Variants in ITGA9 observed in about 807,000 individuals in gnomAD.
The protein encoded by ITGA9 is integrin subunit alpha 9.
ITGA9 carries 56 observed loss-of-function variants against 127.8 expected under a neutral mutation model. That is an observed-to-expected ratio of 0.44 (90% CI 0.35 to 0.55). The LOEUF (loss-of-function observed/expected upper bound fraction) is 0.55. Among genes scored for constraint, ITGA9 ranks in the 20% least tolerant of loss-of-function variants. The pLI is 0.00. For synonymous variants in ITGA9, 508 were observed against 514.5 expected (o/e 0.99, Z 0.17); for missense variants, 1,196 against 1,347.1 (o/e 0.89, Z 1.76).
At chr3:37,461,219 G>A (rs1218671830) in intron 1 of ITGA9, among the ~76,000 whole-genome samples, 1 of 152,114 alleles carries the variant, frequency 6.6e-6, no homozygotes, top group African/African-American at 2.4e-5. Context: ...CACGATTTTT[G>A]TGCCATAAAA....
chr3:37,604,348 A>G (rs1699947810), intron 15 of ITGA9, among the ~76,000 whole-genome samples: 1 of 152,218 alleles, frequency 6.6e-6, no homozygotes, highest in Admixed American at 6.5e-5. Context: ...TCTACCCTTC[A>G]AAATACTTTG....
intron 18 of ITGA9, among the ~76,000 whole-genome samples, chr3:37,706,312 A>T (rs1167750941): frequency 6.6e-6 from 1 of 152,006 alleles, no homozygotes; most frequent in Non-Finnish European, 1.5e-5. Flanking sequence ...GGACTTTTTG[A>T]TTCTGCTTCT....
At chr3:37,476,341 C>T (rs1390217620) in intron 3 of ITGA9, among the ~76,000 whole-genome samples, 2 of 152,070 alleles carry the variant, frequency 1.3e-5, no homozygotes, top group African/African-American at 4.8e-5. Flanking sequence ...CACGTCCTTG[C>T]CAACATTTAT....
intron 15 of ITGA9, among the ~76,000 whole-genome samples, chr3:37,588,275 G>A (rs1409544828): frequency 6.6e-6 from 1 of 152,224 alleles, no homozygotes; most frequent in Admixed American, 6.5e-5. Context: ...GCCTCTCAGA[G>A]TTTAGTGTAG....
At position 37,821,679 on chromosome 3, in the gene ITGA9, G is replaced by A. The variant is rs1697516972; in HGVS notation, c.*2690G>A. 1 of 151,998 alleles carries A rather than the reference G, an allele frequency of 6.6e-6. No homozygotes were observed. Among genetic ancestry groups the A allele is most frequent in the Admixed American group, 6.6e-5 (1 of 15,248 alleles). 9.4% of individuals were successfully genotyped at this position (151,998 alleles called of 1,614,324 possible). On this transcript the variant is annotated 3_prime_UTR_variant, in exon 28 of 28. Transcript: ENST00000264741. ...TTCTGCCCACCAGCAAAGCCCCACT[G>A]GAGAAGGGTAGACTCCTGTGGGCAG... is the stretch of plus-strand genomic sequence containing the variant.
intron 4 of ITGA9, among the ~76,000 whole-genome samples, chr3:37,493,902 G>A (rs1040407383): frequency 1.3e-5 from 2 of 152,212 alleles, no homozygotes; most frequent in Non-Finnish European, 2.9e-5. Flanking sequence ...GTTGTGAGCT[G>A]AGGGGGTGGA....
intron 1 of ITGA9, among the ~76,000 whole-genome samples, chr3:37,469,954 C>T (rs999468224): frequency 6.6e-6 from 1 of 151,958 alleles, no homozygotes; most frequent in African/African-American, 2.4e-5. Flanking sequence ...TGCCACCATG[C>T]CCAGCTAATT....
chr3:37,811,659 C>T (rs767783750), intron 27 of ITGA9, among the ~76,000 whole-genome samples: 3 of 152,200 alleles, frequency 2.0e-5, no homozygotes, highest in Non-Finnish European at 4.4e-5. Flanking sequence ...GAGACCATAT[C>T]CTCCCTCACT....
chr3:37,818,994 C>G lies in ITGA9; in HGVS notation c.*5C>G, dbSNP rs747948246. 6.3e-7 allele frequency: 1 copy of G among 1,583,684 alleles called. No homozygotes were observed. Among genetic ancestry groups the G allele is most frequent in the South Asian group, 1.1e-5 (1 of 90,464 alleles). The stretch of plus-strand genomic sequence containing the variant: ...TGGGTCCAGAAAAACCAGTGAGCTG[C>G]CACACCAGTCACATGACCTGATCAC... On this transcript the variant is annotated 3_prime_UTR_variant, in exon 28 of 28. Transcript: ENST00000264741.
At chr3:37,515,026 CTT>C (rs1698969923) in intron 9 of ITGA9, among the ~76,000 whole-genome samples, 1 of 152,160 alleles carries the variant, frequency 6.6e-6, no homozygotes, top group South Asian at 2.1e-4. Flanking sequence ...AGAAAGCAGT[CTT>C]TTCAGGATCT....
intron 22 of ITGA9, among the ~76,000 whole-genome samples, chr3:37,746,206 C>A (rs1696498541): frequency 6.6e-6 from 1 of 152,108 alleles, no homozygotes; most frequent in African/African-American, 2.4e-5. Flanking sequence ...AATATTGTTC[C>A]TGAAGGAGAA....
At chr3:37,562,676 A>C (rs1311983965) in intron 15 of ITGA9, among the ~76,000 whole-genome samples, 1 of 152,140 alleles carries the variant, frequency 6.6e-6, no homozygotes, top group African/African-American at 2.4e-5. Flanking sequence ...CCATTTTGGC[A>C]GTTATATATT....
chr3:37,619,695 T>C (rs1186880987), intron 15 of ITGA9, among the ~76,000 whole-genome samples: 5 of 152,216 alleles, frequency 3.3e-5, no homozygotes, highest in Non-Finnish European at 4.4e-5. Context: ...ATGGCCTGCT[T>C]AGCGTTTCAC....
intron 24 of ITGA9, among the ~76,000 whole-genome samples, chr3:37,778,910 G>GGGTGATATT (rs1190911620): frequency 1.4e-4 from 21 of 147,682 alleles, no homozygotes; most frequent in African/African-American, 5.3e-4. Context: ...TACATAGTGA[G>GGGTGATATT]GGTGATATTG....
At position 37,632,827 on chromosome 3, in the gene ITGA9, G is replaced by A. The variant is rs539030539; in HGVS notation, c.1839+3491G>A. 1.9e-4 allele frequency among the ~76,000 whole-genome samples: 29 copies of A among 152,274 alleles called. No individual in the cohort carries two copies. The East Asian group carries it at 4.8e-3, about 25-fold the overall frequency. On this transcript the variant is annotated intron_variant, in intron 16 of 27. Transcript: ENST00000264741. ...GAAACTAAACTATGATGAAATAAAG[G>A]CTTCAATGTTCTGAGGGAAAATGAT...
At chr3:37,818,127 T>TA (rs1274789431) in intron 27 of ITGA9, 1 of 148,260 alleles carries the variant, frequency 6.7e-6, no homozygotes, top group Non-Finnish European at 1.5e-5. Context: ...AGGTCCCTGG[T>TA]TTTTTTCCCC....
chr3:37,613,195 T>C (rs1440999866), intron 15 of ITGA9, among the ~76,000 whole-genome samples: 1 of 146,566 alleles, frequency 6.8e-6, no homozygotes, highest in Non-Finnish European at 1.5e-5. Context: ...TTCCCACATA[T>C]GAGTGAGAAC....
At chr3:37,614,384 G>A (rs1290871001) in intron 15 of ITGA9, among the ~76,000 whole-genome samples, 2 of 152,170 alleles carry the variant, frequency 1.3e-5, no homozygotes, top group Non-Finnish European at 2.9e-5. Flanking sequence ...AGTATAGTTT[G>A]AAGTCAGGTA....
intron 14 of ITGA9, among the ~76,000 whole-genome samples, chr3:37,534,218 A>G (rs1002067446): frequency 6.6e-6 from 1 of 150,634 alleles, no homozygotes; most frequent in Non-Finnish European, 1.5e-5. Flanking sequence ...AGGCTGATTT[A>G]ATAATAGAAA....
Sources: gnomAD v4.1 joint callset for allele counts (sites outside exome capture counted in the v4.1 genomes callset) on GRCh38, gnomAD v4.1.1 for gene constraint, MANE v1.5 for transcripts, NCBI Gene and HGNC (gene_info 2026-07-23, HGNC 2026-07-21) for gene names.